The following SMARCA4 variants were observed in gnomAD, a reference collection of about 807,000 sequenced individuals.
SMARCA4 encodes SWI/SNF-related matrix-associated actin-dependent regulator of chromatin subfamily A member 4.
In SMARCA4, 31 loss-of-function variants were observed where a neutral mutation model predicts 193.9. The observed-to-expected ratio is 0.16, with a 90% CI of 0.12 to 0.22. The LOEUF (loss-of-function observed/expected upper bound fraction) is 0.22, where lower values mean the gene tolerates loss of function less well. Ranked by LOEUF, SMARCA4 falls within the 10% of genes least tolerant of loss-of-function variation. SMARCA4 has a pLI of 1.00. For synonymous variants in SMARCA4, 942 were observed against 933.1 expected, an observed-to-expected ratio of 1.01 and a Z score of -0.17; for missense variants, 1,148 against 2,296.0, an observed-to-expected ratio of 0.50 and a Z score of 10.22.
intron 30 of SMARCA4, among the ~76,000 whole-genome samples, chr19:11,054,602 G>A (rs1194105488): frequency 1.3e-5 from 2 of 152,224 alleles, no homozygotes; most frequent in African/African-American, 4.8e-5. Context: ...AGACCAGCCT[G>A]ACCAACATGG....
chr19:11,036,420 T>A (rs574302522), intron 29 of SMARCA4, among the ~76,000 whole-genome samples: 65 of 152,236 alleles, frequency 4.3e-4, no homozygotes, highest in Non-Finnish European at 1.5e-5. Context: ...CCAACACGCC[T>A]GGCTAATTTT....
At chr19:11,042,851 G>T (rs535393399) in intron 30 of SMARCA4, among the ~76,000 whole-genome samples, 7 of 152,072 alleles carry the variant, frequency 4.6e-5, no homozygotes, top group African/African-American at 1.7e-4. Flanking sequence ...TTACCTGGGC[G>T]TGGTGGCACG....
intron 34 of SMARCA4, among the ~76,000 whole-genome samples, chr19:11,061,204 A>AAAAAAAAATAT (rs1555797070): frequency 2.2e-5 from 1 of 45,224 alleles, no homozygotes; most frequent in African/African-American, 1.1e-4. Flanking sequence ...AAAAAAAAAA[A>AAAAAAAAATAT]ATATATATAT....
intron 11 of SMARCA4, among the ~76,000 whole-genome samples, chr19:10,999,052 G>A (rs1267299446): frequency 6.6e-6 from 1 of 152,144 alleles, no homozygotes; most frequent in South Asian, 2.1e-4. Context: ...ACAGGCGCAC[G>A]CCACCATGCT....
intron 1 of SMARCA4, among the ~76,000 whole-genome samples, chr19:10,976,650 G>A (rs530174300): frequency 2.2e-4 from 33 of 151,614 alleles, no homozygotes; most frequent in African/African-American, 3.9e-4. Flanking sequence ...CCAGCTACTC[G>A]GGAAGTTGAG....
At chr19:10,991,484 G>A (rs987907831) in intron 8 of SMARCA4, among the ~76,000 whole-genome samples, 161 bp downstream of exon 8, 5 of 152,360 alleles carry the variant, frequency 3.3e-5, no homozygotes, top group African/African-American at 9.6e-5. Flanking sequence ...GTGTATTGGT[G>A]TAAAAACCCA....
chr19:10,966,606 G>C (rs933246906), intron 1 of SMARCA4, among the ~76,000 whole-genome samples: 1 of 151,838 alleles, frequency 6.6e-6, no homozygotes, highest in Non-Finnish European at 1.5e-5. Flanking sequence ...CGGGGGTTGG[G>C]CTGGGCGCGG....
intron 8 of SMARCA4, among the ~76,000 whole-genome samples, chr19:10,992,885 C>G (rs925946063): frequency 1.3e-5 from 2 of 151,926 alleles, no homozygotes; most frequent in African/African-American, 2.4e-5. Context: ...GCCACTGCTC[C>G]TGACCACCAA....
At chr19:11,054,769 G>A (rs2076447819) in intron 30 of SMARCA4, among the ~76,000 whole-genome samples, 1 of 152,166 alleles carries the variant, frequency 6.6e-6, no homozygotes, top group Non-Finnish European at 1.5e-5. Flanking sequence ...GTGTGCATTG[G>A]TGTTAAGTCA....
At chr19:11,008,060 TC>T (rs2088413579) in intron 14 of SMARCA4, 37 bp downstream of exon 14, 1 of 1,603,984 alleles carries the variant, frequency 6.2e-7, no homozygotes, top group African/African-American at 1.3e-5. Context: ...TGTGCCAGCT[TC>T]CTGTGAGGTG....
At chr19:10,996,930 G>A (rs1040197954) in intron 11 of SMARCA4, among the ~76,000 whole-genome samples, 4 of 151,994 alleles carry the variant, frequency 2.6e-5, no homozygotes, top group Non-Finnish European at 4.4e-5. Flanking sequence ...TTGCAGTGGC[G>A]GATGGCTCAC....
intron 1 of SMARCA4, chr19:10,977,780 T>A (rs2085261105): frequency 6.6e-6 from 1 of 152,342 alleles, no homozygotes; most frequent in Non-Finnish European, 1.5e-5. Flanking sequence ...TGGGGCACCT[T>A]GGTTTCACCA....
At chr19:10,998,881 G>T (rs572260920) in intron 11 of SMARCA4, among the ~76,000 whole-genome samples, 1 of 151,528 alleles carries the variant, frequency 6.6e-6, no homozygotes. Context: ...TCTTTCTCCA[G>T]GGAGTCCTGG....
At chr19:10,976,919 C>T (rs1017824275) in intron 1 of SMARCA4, among the ~76,000 whole-genome samples, 26 of 151,340 alleles carry the variant, frequency 1.7e-4, no homozygotes, top group Admixed American at 3.3e-4. Flanking sequence ...TAGCCAGGTT[C>T]GGCAGTGTGC....
intron 1 of SMARCA4, chr19:10,983,812 C>T (rs1387732403): frequency 4.4e-6 from 2 of 458,450 alleles, no homozygotes; most frequent in South Asian, 4.5e-5. Flanking sequence ...GAAGGGTAGA[C>T]CAGCACCCCC....
rs2086119757 is a variant in SMARCA4 at position 10,987,088 on chromosome 19, G to A, written c.859+85G>A. 1.6e-5 allele frequency: 16 copies of A among 999,686 alleles called. No individual in the cohort carries two copies. In the South Asian group the frequency reaches 2.0e-4, roughly 12 times the overall value. The allele number at this position is 999,686 out of a possible 1,614,324, so 61.9% of individuals were successfully genotyped here. ...TCCTTGAGATGAGCTTTGTCAGGGA[G>A]AAAGGGCCGAGGGTGGTCAGGCTGA... On this transcript the variant is annotated intron_variant, in intron 5 of 34. Transcript: ENST00000344626. This position sits in a 1 kb window ranked among gnomAD's most constrained non-coding sequence, Gnocchi z 5.3.
intron 30 of SMARCA4, among the ~76,000 whole-genome samples, chr19:11,047,164 C>G (rs571983108): frequency 3.9e-4 from 60 of 152,168 alleles, no homozygotes; most frequent in Middle Eastern, 6.8e-3. Flanking sequence ...CCCCGAGAGC[C>G]CTAGCGGTTG....
chr19:11,023,306 T>C (rs1251765804), intron 19 of SMARCA4, among the ~76,000 whole-genome samples: 1 of 152,168 alleles, frequency 6.6e-6, no homozygotes, highest in Non-Finnish European at 1.5e-5. Flanking sequence ...AGGAATTACA[T>C]GGAGGGAACC....
intron 11 of SMARCA4, among the ~76,000 whole-genome samples, chr19:10,997,105 C>T (rs760945951): frequency 2.0e-5 from 3 of 152,050 alleles, no homozygotes; most frequent in Non-Finnish European, 2.9e-5. Context: ...TTGCAGCCTC[C>T]GCCCCGCGAG....
Sources: gnomAD v4.1 joint callset for allele counts (sites outside exome capture counted in the v4.1 genomes callset) on GRCh38, gnomAD v4.1.1 for gene constraint, Gnocchi (gnomAD v3.1) non-coding constraint, MANE v1.5 for transcripts, NCBI Gene and HGNC (gene_info 2026-07-23, HGNC 2026-07-21) for gene names.